The following DSCAM variants were observed in gnomAD, a reference collection of about 807,000 sequenced individuals.
The protein encoded by DSCAM is DS cell adhesion molecule.
In DSCAM, 47 loss-of-function variants were observed where a neutral mutation model predicts 217.7. That is an observed-to-expected ratio of 0.22 (90% CI 0.17 to 0.28). The LOEUF (loss-of-function observed/expected upper bound fraction) is 0.28, where lower values mean the gene tolerates loss of function less well. DSCAM is among the 10% of genes least tolerant of loss of function. The pLI, the probability that DSCAM is intolerant of heterozygous loss-of-function variation, is 1.00. For synonymous variants in DSCAM, 1,056 were observed against 1,015.3 expected, an observed-to-expected ratio of 1.04 and a Z score of -0.76; for missense variants, 2,080 against 2,618.3, an observed-to-expected ratio of 0.79 and a Z score of 4.49.
intron 24 of DSCAM, among the ~76,000 whole-genome samples, chr21:40,081,371 G>A (rs2146562511): frequency 6.6e-6 from 1 of 152,182 alleles, no homozygotes; most frequent in East Asian, 1.9e-4. Context: ...AAATGGGCAG[G>A]TTTGCTGATT....
At chr21:40,255,301 A>G (rs2146967134) in intron 11 of DSCAM, among the ~76,000 whole-genome samples, 1 of 152,230 alleles carries the variant, frequency 6.6e-6, no homozygotes, top group African/African-American at 2.4e-5. Flanking sequence ...CTGCAACCCC[A>G]TGTTATGGTT....
Position 40,156,902 on chromosome 21 carries a change from A to G in DSCAM, c.3018+10316T>C, listed in dbSNP as rs542032777. 5.3e-5 allele frequency among the ~76,000 whole-genome samples: 8 copies of G among 152,280 alleles called. 1 individual carries two copies. The South Asian group carries it at 1.7e-3, about 32-fold the overall frequency. ...AGTGATGATTTAGCATATATCATAT[A>G]TGGCGGGAGGGGCTAGCCTTGTCTC... On this transcript the variant is annotated intron_variant, in intron 16 of 32. Coordinates refer to ENST00000400454, the MANE Select transcript of DSCAM (RefSeq NM_001389.5).
chr21:40,446,392 C>T (rs1259959746), intron 3 of DSCAM, among the ~76,000 whole-genome samples: 3 of 152,132 alleles, frequency 2.0e-5, no homozygotes, highest in Admixed American at 6.5e-5. Flanking sequence ...CCACTGGGCA[C>T]AAGGAATGTC....
chr21:40,801,243 C>G (rs1451589738), intron 1 of DSCAM, among the ~76,000 whole-genome samples: 1 of 152,110 alleles, frequency 6.6e-6, no homozygotes, highest in Non-Finnish European at 1.5e-5. Flanking sequence ...ATAAAAGGAG[C>G]TACATGGTTA....
chr21:40,248,815 G>A (rs896140409), intron 11 of DSCAM, among the ~76,000 whole-genome samples: 2 of 152,198 alleles, frequency 1.3e-5, no homozygotes, highest in East Asian at 3.9e-4. Flanking sequence ...AGACATACCT[G>A]AGACTGGGAA....
At chr21:40,256,426 G>C (rs1450522097) in intron 11 of DSCAM, among the ~76,000 whole-genome samples, 3 of 147,306 alleles carry the variant, frequency 2.0e-5, no homozygotes, top group African/African-American at 7.9e-5. Flanking sequence ...GAGAGAGACA[G>C]AGAGAGAGAG....
At position 40,342,644 on chromosome 21, in the gene DSCAM, A is replaced by T. The variant is rs1395064783; in HGVS notation, c.1211-3229T>A. ...TGTGTGTGTATATATATATATATAT[A>T]TATATTTTTTTTTTTTTTTTGAGAC... On this transcript the variant is annotated intron_variant, in intron 6 of 32. Transcript: ENST00000400454. Among the ~76,000 whole-genome samples the T allele has an allele frequency of 8.7e-3, 775 of 89,240 alleles. 17 individuals are homozygous for T. The highest frequency in any genetic ancestry group is 0.03 in the African/African-American group (618 of 20,734). The allele number at this position is 89,240 out of a possible 152,430, so 58.5% of individuals were successfully genotyped here.
At chr21:40,314,646 T>G (rs1174329822) in intron 8 of DSCAM, among the ~76,000 whole-genome samples, 2 of 152,194 alleles carry the variant, frequency 1.3e-5, no homozygotes, top group African/African-American at 4.8e-5. Context: ...TTAAAGAAAA[T>G]AATTACATTT....
intron 8 of DSCAM, among the ~76,000 whole-genome samples, chr21:40,325,687 G>A (rs1249887406): frequency 1.3e-5 from 2 of 152,166 alleles, no homozygotes; most frequent in East Asian, 3.9e-4. Flanking sequence ...AGACATTCAA[G>A]CACAATAGTA....
chr21:40,690,080 A>C (rs2090522972), intron 3 of DSCAM, among the ~76,000 whole-genome samples: 1 of 152,164 alleles, frequency 6.6e-6, no homozygotes, highest in African/African-American at 2.4e-5. Context: ...TTGTGCTGGT[A>C]ACCAGAGAGA....
chr21:40,778,976 A>G (rs62223059), intron 1 of DSCAM, among the ~76,000 whole-genome samples: 2 of 147,302 alleles, frequency 1.4e-5, no homozygotes, highest in Non-Finnish European at 3.0e-5. Flanking sequence ...GTGAGCTGAC[A>G]TCGTGCCATT....
At chr21:40,166,171 CA>C (rs1400344387) in intron 16 of DSCAM, among the ~76,000 whole-genome samples, 1 of 152,030 alleles carries the variant, frequency 6.6e-6, no homozygotes, top group Non-Finnish European at 1.5e-5. Context: ...GGAAAACAAA[CA>C]AACAATCAAA....
chr21:40,826,546 T>C (rs1468265379), intron 1 of DSCAM, among the ~76,000 whole-genome samples: 1 of 152,212 alleles, frequency 6.6e-6, no homozygotes, highest in Non-Finnish European at 1.5e-5. Flanking sequence ...CAGATTATCA[T>C]GATAGTCCAG....
At chr21:40,324,870 G>T (rs920800669) in intron 8 of DSCAM, among the ~76,000 whole-genome samples, 7 of 152,204 alleles carry the variant, frequency 4.6e-5, no homozygotes, top group African/African-American at 1.7e-4. Flanking sequence ...TCATCTAGAT[G>T]AGGTACAATT....
At chr21:40,374,491 T>G (rs561047852) in intron 3 of DSCAM, among the ~76,000 whole-genome samples, 1 of 152,334 alleles carries the variant, frequency 6.6e-6, no homozygotes, top group Admixed American at 6.5e-5. Flanking sequence ...ACAGGCAAAA[T>G]ATTTACTAAA....
intron 3 of DSCAM, among the ~76,000 whole-genome samples, chr21:40,529,827 T>C (rs1203157350): frequency 6.6e-6 from 1 of 152,142 alleles, no homozygotes; most frequent in Non-Finnish European, 1.5e-5. Context: ...GGTATCCCTC[T>C]TTCTTTCCTT....
At chr21:40,773,774 C>A (rs1383728171) in intron 1 of DSCAM, among the ~76,000 whole-genome samples, 1 of 152,188 alleles carries the variant, frequency 6.6e-6, no homozygotes, top group Non-Finnish European at 1.5e-5. Flanking sequence ...GGAAGTTCCC[C>A]TCTGCTAGGC....
intron 1 of DSCAM, among the ~76,000 whole-genome samples, chr21:40,803,326 G>C (rs1301091898): frequency 6.6e-6 from 1 of 152,152 alleles, no homozygotes; most frequent in Non-Finnish European, 1.5e-5. Flanking sequence ...GAAATGATGA[G>C]AACTCCACTC....
chr21:40,688,449 C>CA (rs2090506412), intron 3 of DSCAM, among the ~76,000 whole-genome samples: 2 of 152,176 alleles, frequency 1.3e-5, no homozygotes, highest in South Asian at 4.1e-4. Context: ...AAAAGCATGT[C>CA]ATTATTCAAG....
Sources: gnomAD v4.1 joint callset for allele counts (sites outside exome capture counted in the v4.1 genomes callset) on GRCh38, gnomAD v4.1.1 for gene constraint, MANE v1.5 for transcripts, NCBI Gene and HGNC (gene_info 2026-07-23, HGNC 2026-07-21) for gene names.